GATAD2B: variants seen among roughly 807,000 people sequenced by gnomAD.
GATAD2B encodes transcriptional repressor p66-beta.
In GATAD2B, 8 loss-of-function variants were observed where a neutral mutation model predicts 64.3. That is an observed-to-expected ratio of 0.12 (90% CI 0.07 to 0.22). The LOEUF is 0.22. GATAD2B is among the 10% of genes least tolerant of loss of function. GATAD2B has a pLI of 1.00. For missense variants in GATAD2B, 453 were observed against 752.0 expected (o/e 0.60, Z 4.65); for synonymous variants, 281 against 271.3 (o/e 1.04, Z -0.35).
intron 1 of GATAD2B, among the ~76,000 whole-genome samples, chr1:153,912,910 T>C (rs1217180345): frequency 6.7e-6 from 1 of 149,906 alleles, no homozygotes; most frequent in Non-Finnish European, 1.5e-5. Context: ...CTGGCCAACA[T>C]GGTGAAACCC....
At chr1:153,870,015 G>A (rs1253976989) in intron 1 of GATAD2B, among the ~76,000 whole-genome samples, 1 of 152,024 alleles carries the variant, frequency 6.6e-6, no homozygotes, top group Non-Finnish European at 1.5e-5. Flanking sequence ...CACAATCTCG[G>A]CTCACTGCAA....
chr1:153,817,459 G>T lies in GATAD2B; in HGVS notation c.813C>A (p.Ala271=). The T allele has an allele frequency of 6.2e-7, 1 of 1,613,600 alleles. No individual in the cohort carries two copies. Among genetic ancestry groups the T allele is most frequent in the Non-Finnish European group, 8.5e-7 (1 of 1,179,846 alleles). Residue 271 remains alanine (A), a synonymous_variant, in exon 6 of 11, where the codon GCC becomes GCA. Coordinates refer to ENST00000368655, the MANE Select transcript of GATAD2B (RefSeq NM_020699.4). ...MSQRVIAPNP[A]QLQGQRGPPK... ...GCGGGCCCCGCTGACCCTGTAGCTGGGCTGGGTTTGGTGCAATAACACGTT... is the reference window on the plus strand; with the variant it reads ...GCGGGCCCCGCTGACCCTGTAGCTGTGCTGGGTTTGGTGCAATAACACGTT...
At chr1:153,883,905 G>T (rs985349135) in intron 1 of GATAD2B, among the ~76,000 whole-genome samples, 1 of 152,122 alleles carries the variant, frequency 6.6e-6, no homozygotes, top group Non-Finnish European at 1.5e-5. Context: ...GGAAAATTAA[G>T]AACTATATAG....
intron 2 of GATAD2B, among the ~76,000 whole-genome samples, chr1:153,824,009 C>A (rs141811730): frequency 6.6e-6 from 1 of 152,150 alleles, no homozygotes; most frequent in African/African-American, 2.4e-5. Flanking sequence ...GGATTACAGG[C>A]GTGAGCCACT....
chr1:153,873,300 C>T (rs1676725540), intron 1 of GATAD2B, among the ~76,000 whole-genome samples: 1 of 152,102 alleles, frequency 6.6e-6, no homozygotes, highest in Admixed American at 6.6e-5. Context: ...AACTACTTGA[C>T]AGCAAATCTC....
intron 1 of GATAD2B, among the ~76,000 whole-genome samples, chr1:153,847,500 G>A (rs1675729562): frequency 6.6e-6 from 1 of 151,946 alleles, no homozygotes; most frequent in South Asian, 2.1e-4. Flanking sequence ...CTCCTCTTTA[G>A]GCCTCCCAAA....
intron 6 of GATAD2B, among the ~76,000 whole-genome samples, chr1:153,817,023 G>C (rs1216065689): frequency 6.6e-6 from 1 of 152,144 alleles, no homozygotes; most frequent in East Asian, 1.9e-4. Flanking sequence ...AACACAGTGA[G>C]ATTCCAGCTC....
intron 1 of GATAD2B, among the ~76,000 whole-genome samples, chr1:153,876,738 C>T (rs1400560468): frequency 6.6e-6 from 1 of 152,218 alleles, no homozygotes; most frequent in Non-Finnish European, 1.5e-5. Context: ...GGCGGTGGCT[C>T]ATGCCTATAA....
chr1:153,900,661 G>A (rs186569336), intron 1 of GATAD2B, among the ~76,000 whole-genome samples: 3 of 152,172 alleles, frequency 2.0e-5, no homozygotes, highest in Admixed American at 2.0e-4. Context: ...GCAACTACAG[G>A]CGTGTGCCAT....
chr1:153,854,465 C>T (rs1390564165), intron 1 of GATAD2B, among the ~76,000 whole-genome samples: 1 of 152,106 alleles, frequency 6.6e-6, no homozygotes, highest in Non-Finnish European at 1.5e-5. Flanking sequence ...AGGCAAAGCA[C>T]CCAGAAATAC....
intron 1 of GATAD2B, among the ~76,000 whole-genome samples, chr1:153,835,609 G>A (rs1432385528): frequency 1.3e-5 from 2 of 151,674 alleles, no homozygotes; most frequent in African/African-American, 4.8e-5. Flanking sequence ...ATGATTGTTA[G>A]TACTTTTTAG....
chr1:153,827,361 G>C (rs1674920945), intron 2 of GATAD2B, among the ~76,000 whole-genome samples: 1 of 151,934 alleles, frequency 6.6e-6, no homozygotes, highest in Admixed American at 6.6e-5. Flanking sequence ...CCATTGGCCA[G>C]TTCCAGGTAC....
chr1:153,914,798 T>C (rs1678214090), intron 1 of GATAD2B: 1 of 152,162 alleles, frequency 6.6e-6, no homozygotes, highest in South Asian at 2.1e-4. Flanking sequence ...GGCTTGGTGG[T>C]GTGTACCTGT....
chr1:153,820,976 T>A (rs1319489667), intron 2 of GATAD2B, among the ~76,000 whole-genome samples: 1 of 1,258 alleles, frequency 7.9e-4, no homozygotes, highest in African/African-American at 1.1e-3. Context: ...CACATGGAAT[T>A]TTTTTTTTTT....
chr1:153,860,565 C>T (rs1318816883), intron 1 of GATAD2B, among the ~76,000 whole-genome samples: 7 of 152,210 alleles, frequency 4.6e-5, no homozygotes, highest in Admixed American at 2.0e-4. Flanking sequence ...AAACTCCCAG[C>T]TTCAGGTGAT....
chr1:153,870,455 C>T (rs766669090), intron 1 of GATAD2B, among the ~76,000 whole-genome samples: 2 of 152,108 alleles, frequency 1.3e-5, no homozygotes, highest in African/African-American at 2.4e-5. Flanking sequence ...CACCTATAGT[C>T]TCAGCTACTC....
chr1:153,824,271 C>G (rs1050242132), intron 2 of GATAD2B, among the ~76,000 whole-genome samples: 1 of 152,078 alleles, frequency 6.6e-6, no homozygotes, highest in Non-Finnish European at 1.5e-5. Context: ...GCCTGGGCAA[C>G]ACAGCAACAC....
chr1:153,825,678 G>C (rs960923815), intron 2 of GATAD2B, among the ~76,000 whole-genome samples: 1 of 152,146 alleles, frequency 6.6e-6, no homozygotes, highest in Non-Finnish European at 1.5e-5. Context: ...CACCCGCCTC[G>C]GCCTCAAAGT....
intron 1 of GATAD2B, among the ~76,000 whole-genome samples, chr1:153,913,779 G>T (rs2101970434): frequency 6.6e-6 from 1 of 151,872 alleles, no homozygotes; most frequent in East Asian, 1.9e-4. Flanking sequence ...AATTAGCCAG[G>T]CATGGTGGCG....
Sources: gnomAD v4.1 joint callset for allele counts (sites outside exome capture counted in the v4.1 genomes callset) on GRCh38, gnomAD v4.1.1 for gene constraint, MANE v1.5 for transcripts, NCBI Gene and HGNC (gene_info 2026-07-23, HGNC 2026-07-21) for gene names.